Variants in NRROS observed in about 807,000 individuals in gnomAD.
NRROS encodes the protein transforming growth factor beta activator LRRC33.
In NRROS, 6 loss-of-function variants were observed where a neutral mutation model predicts 12.0. That is an observed-to-expected ratio of 0.50 (90% CI 0.27 to 0.98). The LOEUF is 0.98. Among genes scored for constraint, NRROS ranks in the 50% least tolerant of loss-of-function variants. The pLI is 0.11. For missense variants in NRROS, 857 were observed against 888.2 expected, an observed-to-expected ratio of 0.96 and a Z score of 0.45; for synonymous variants, 462 against 410.2, an observed-to-expected ratio of 1.13 and a Z score of -1.53.
intron 1 of NRROS, among the ~76,000 whole-genome samples, chr3:196,648,877 A>C (rs1445378966): frequency 6.6e-6 from 1 of 150,644 alleles, no homozygotes; most frequent in Non-Finnish European, 1.5e-5. Context: ...CCCCAGCCCC[A>C]CTCCAGCCTT....
At chr3:196,656,891 A>T (rs1209131371) in intron 2 of NRROS, among the ~76,000 whole-genome samples, 1 of 151,998 alleles carries the variant, frequency 6.6e-6, no homozygotes, top group Non-Finnish European at 1.5e-5. Flanking sequence ...TCATCACATT[A>T]TCCATTTGAC....
chr3:196,661,104 G>A lies in NRROS; in HGVS notation c.1461G>A (p.Leu487=), dbSNP rs531059755. 8.7e-6 allele frequency: 14 copies of A among 1,613,860 alleles called. No homozygotes were observed. Among genetic ancestry groups the A allele is most frequent in the Middle Eastern group, 1.6e-4 (1 of 6,062 alleles). The stretch of plus-strand genomic sequence containing the variant: ...ACTGCCCATTCCAAGGGACCTCCCT[G>A]ACCTACTTAGACCTCTCAAGCAACT... The part of the protein sequence containing the change: ...LPDCPFQGTS[L]TYLDLSSNWG... The change falls in exon 3 of 3, where the codon CTG becomes CTA. Residue 487 remains leucine (L), a synonymous_variant. Transcript: ENST00000328557.
Position 196,659,870 on chromosome 3 carries a change from C to A in NRROS, c.227C>A (p.Ser76Tyr). 1 of 1,614,140 alleles carries A rather than the reference C, an allele frequency of 6.2e-7. No homozygotes were observed. Among genetic ancestry groups the A allele is most frequent in the Non-Finnish European group, 8.5e-7 (1 of 1,180,004 alleles). ...ANPLKTLWNH[S>Y]LQPYPLLESL... is the part of the protein sequence containing the mutation. ...CCTCTCAAGACCCTGTGGAATCACT[C>A]CCTCCAGCCTTACCCTCTCCTGGAG... Residue 76 changes from serine to tyrosine, a missense_variant, in exon 3 of 3, where the codon TCC becomes TAC. By Grantham distance (144) the Ser-to-Tyr change is moderately radical (BLOSUM62 -2). Coordinates refer to ENST00000328557, the MANE Select transcript of NRROS (RefSeq NM_198565.3).
At chr3:196,642,029 C>T (rs1011615312) in intron 1 of NRROS, among the ~76,000 whole-genome samples, 3 of 152,218 alleles carry the variant, frequency 2.0e-5, no homozygotes, top group Non-Finnish European at 4.4e-5. Flanking sequence ...CTTTATTATA[C>T]TCACTTTCCT....
chr3:196,643,391 A>G (rs529948814), intron 1 of NRROS, among the ~76,000 whole-genome samples: 1 of 152,324 alleles, frequency 6.6e-6, no homozygotes, highest in East Asian at 1.9e-4. Flanking sequence ...CGCGAGGAGC[A>G]GGCTGGTACT....
intron 2 of NRROS, among the ~76,000 whole-genome samples, chr3:196,656,589 C>T (rs1577634510): frequency 1.3e-5 from 2 of 152,318 alleles, no homozygotes; most frequent in African/African-American, 2.4e-5. Flanking sequence ...GCGTTTTATC[C>T]GTTATCACTC....
rs1382551651 is a variant in NRROS at position 196,660,104 on chromosome 3, A to C, written c.461A>C (p.Gln154Pro). Residue 154 changes from glutamine to proline, a missense_variant, in exon 3 of 3, where the codon CAG becomes CCG. By Grantham distance (76) the Gln-to-Pro change is moderately conservative. Coordinates refer to ENST00000328557, the MANE Select transcript of NRROS (RefSeq NM_198565.3). This position sits in a 1 kb window ranked among gnomAD's most constrained non-coding sequence, Gnocchi z 7.7. ...GAGGACATGGCAGCCCTCATGCTCC[A>C]GAACCTCTCCTCGCTGCGGTCCGTG... ...LTEDMAALML[Q>P]NLSSLRSVSL... is the part of the protein sequence containing the mutation. 4 of 1,613,156 alleles carry C rather than the reference A, an allele frequency of 2.5e-6. No individual in the cohort carries two copies. The South Asian group carries it at 4.4e-5, about 18-fold the overall frequency.
chr3:196,652,500 C>T (rs1376326264), intron 1 of NRROS, among the ~76,000 whole-genome samples: 1 of 152,192 alleles, frequency 6.6e-6, no homozygotes, highest in Non-Finnish European at 1.5e-5. Context: ...TAACAAATAA[C>T]AGAGGCAGAA....
At chr3:196,643,384 G>A (rs562677538) in intron 1 of NRROS, among the ~76,000 whole-genome samples, 10 of 152,314 alleles carry the variant, frequency 6.6e-5, no homozygotes, top group East Asian at 5.8e-4. Context: ...AGGTGGGCGC[G>A]AGGAGCAGGC....
chr3:196,657,275 C>T (rs961405839), intron 2 of NRROS, among the ~76,000 whole-genome samples: 1 of 151,852 alleles, frequency 6.6e-6, no homozygotes, highest in Admixed American at 6.6e-5. Flanking sequence ...CCTTCTACAT[C>T]ACTTCAGCGG....
At chr3:196,647,253 T>C (rs889777515) in intron 1 of NRROS, among the ~76,000 whole-genome samples, 1 of 152,250 alleles carries the variant, frequency 6.6e-6, no homozygotes, top group Non-Finnish European at 1.5e-5. Flanking sequence ...TTCAAGGTCT[T>C]TGATAAATTG....
Position 196,660,376 on chromosome 3 carries a change from G to A in NRROS, c.733G>A (p.Gly245Arg), listed in dbSNP as rs369486724. 3.7e-6 allele frequency: 6 copies of A among 1,613,824 alleles called. No individual in the cohort carries two copies. The highest frequency in any genetic ancestry group is 1.1e-5 in the South Asian group (1 of 91,086). The change falls in exon 3 of 3, where the codon GGG (glycine) becomes AGG (arginine). Residue 245 changes from glycine to arginine, a missense_variant. Coordinates refer to ENST00000328557, the MANE Select transcript of NRROS (RefSeq NM_198565.3). The surrounding 1 kb of genome is among the most constrained non-coding windows in gnomAD (Gnocchi z 7.7). ...YNVLEWFLAT[G>R]GEAAFELETL... ...CGTCCTGGAGTGGTTCCTCGCGACC[G>A]GGGGAGAGGCTGCCTTCGAGCTGGA...
chr3:196,642,323 A>G (rs1413874810), intron 1 of NRROS, among the ~76,000 whole-genome samples: 1 of 152,120 alleles, frequency 6.6e-6, no homozygotes, highest in East Asian at 1.9e-4. Context: ...GTTTCAAATA[A>G]CTGAAAAGTG....
At chr3:196,644,473 A>G (rs1277434892) in intron 1 of NRROS, among the ~76,000 whole-genome samples, 1 of 152,062 alleles carries the variant, frequency 6.6e-6, no homozygotes, top group Non-Finnish European at 1.5e-5. Context: ...AATGACTGCA[A>G]TGTACTTTGA....
rs757969652 is a variant in NRROS at position 196,661,109 on chromosome 3, A to C, written c.1466A>C (p.Tyr489Ser). The C allele has an allele frequency of 1.2e-6, 2 of 1,613,730 alleles. No individual in the cohort carries two copies. The highest frequency in any genetic ancestry group is 1.3e-5 in the African/African-American group (1 of 74,860). The change falls in exon 3 of 3, where the codon TAC becomes TCC. Residue 489 changes from tyrosine (Y) to serine (S), a missense_variant. Transcript: ENST00000328557. ...CCATTCCAAGGGACCTCCCTGACCT[A>C]CTTAGACCTCTCAAGCAACTGGGGG... ...DCPFQGTSLT[Y>S]LDLSSNWGVL...
At chr3:196,644,755 G>A (rs1485171427) in intron 1 of NRROS, among the ~76,000 whole-genome samples, 4 of 127,708 alleles carry the variant, frequency 3.1e-5, no homozygotes, top group Non-Finnish European at 6.3e-5. Flanking sequence ...TCTGGCGACA[G>A]AGTGAGACTC....
At chr3:196,650,154 T>C (rs1211457859) in intron 1 of NRROS, among the ~76,000 whole-genome samples, 3 of 152,154 alleles carry the variant, frequency 2.0e-5, no homozygotes, top group Admixed American at 2.0e-4. Flanking sequence ...CTCTGTAGCA[T>C]TTCTTTTTTT....
chr3:196,661,567 A>C lies in NRROS; in HGVS notation c.1924A>C (p.Lys642Gln), dbSNP rs778775174. Residue 642 changes from lysine to glutamine, a missense_variant, in exon 3 of 3, where the codon AAG becomes CAG. By Grantham distance (53) the Lys-to-Gln change is moderately conservative. Transcript: ENST00000328557. ...GCCCGGAGGTGTGCCTCGGGACTGC[A>C]AGTGGGAGCGGCTGGACCTGGGCCT... is the stretch of plus-strand genomic sequence containing the variant. ...ELPGGVPRDCKWERLDLGLLY... is the reference protein window; with the variant it reads ...ELPGGVPRDCQWERLDLGLLY... 2.5e-6 allele frequency: 4 copies of C among 1,613,998 alleles called. No individual in the cohort carries two copies.
chr3:196,658,841 G>A (rs549571199), intron 2 of NRROS, among the ~76,000 whole-genome samples: 44 of 152,106 alleles, frequency 2.9e-4, no homozygotes, highest in East Asian at 5.8e-4. Flanking sequence ...GTGGTGGCAT[G>A]TGCCTGTAAT....
Sources: allele counts gnomAD v4.1 joint callset (sites outside exome capture counted in the v4.1 genomes callset), GRCh38; gene constraint gnomAD v4.1.1; non-coding constraint Gnocchi (gnomAD v3.1); transcripts MANE v1.5; gene names NCBI Gene and HGNC (gene_info 2026-07-23, HGNC 2026-07-21).